CLK3: variants seen among roughly 807,000 people sequenced by gnomAD.
The protein encoded by CLK3 is dual specificity protein kinase CLK3.
A neutral mutation model predicts 65.2 loss-of-function variants in CLK3; 24 were observed. The observed-to-expected ratio is 0.37, with a 90% CI of 0.27 to 0.52. The LOEUF is 0.52. Ranked by LOEUF, CLK3 falls within the 20% of genes least tolerant of loss-of-function variation. The pLI is 0.92. For synonymous variants in CLK3, 252 were observed against 240.8 expected (o/e 1.05, Z -0.43); for missense variants, 506 against 660.0 (o/e 0.77, Z 2.56).
chr15:74,618,445 AACG>A (rs2062076660), intron 1 of CLK3, among the ~76,000 whole-genome samples: 1 of 152,170 alleles, frequency 6.6e-6, no homozygotes, highest in South Asian at 2.1e-4. Flanking sequence ...AAGGGACAGT[AACG>A]GTACTGTTGG....
upstream of CLK3, chr15:74,615,268 C>T (rs1327065390): frequency 4.3e-6 from 2 of 462,678 alleles, no homozygotes; most frequent in Non-Finnish European, 3.5e-6. Context: ...TCTAGGGTAT[C>T]TTCCCAGAAA....
chr15:74,618,610 C>A (rs978485353), intron 1 of CLK3, among the ~76,000 whole-genome samples: 3 of 152,194 alleles, frequency 2.0e-5, no homozygotes, highest in African/African-American at 7.2e-5. Context: ...GTGCCTCTTT[C>A]TCCAAGGGCT....
intron 1 of CLK3, 122 bp from the exon 2 acceptor site, chr15:74,619,075 G>A: frequency 8.5e-7 from 1 of 1,182,090 alleles, no homozygotes; most frequent in Non-Finnish European, 1.2e-6. Context: ...AAACCTCTGG[G>A]AGGGGCCGCC....
chr15:74,610,647 G>A (rs2061977763), intron 1 of CLK3, among the ~76,000 whole-genome samples: 1 of 152,258 alleles, frequency 6.6e-6, no homozygotes, highest in Non-Finnish European at 1.5e-5. Flanking sequence ...ACAGGCTCCA[G>A]CTGTGCATCT....
rs1162497627 is a variant in CLK3 at position 74,624,117 on chromosome 15, C to T, written c.534-785C>T. ...GCCTCAGAGGACACGCCCTTCCAGG[C>T]TAGGACTGTCTCGTTCCCCACTGGG... On this transcript the variant is annotated intron_variant, in intron 5 of 12. Coordinates refer to ENST00000395066, the MANE Select transcript of CLK3 (RefSeq NM_001130028.2). This position sits in a 1 kb window ranked among gnomAD's most constrained non-coding sequence, Gnocchi z 4.2. The T allele has an allele frequency of 6.6e-6, 1 of 152,256 alleles. No homozygotes were observed. Among genetic ancestry groups the T allele is most frequent in the Admixed American group, 6.5e-5 (1 of 15,280 alleles). The allele number at this position is 152,256 out of a possible 1,614,324, so 9.4% of individuals were successfully genotyped here. A position where few individuals can be genotyped will look rare whatever the true frequency, so the allele number is the denominator to read the frequency against.
intron 1 of CLK3, among the ~76,000 whole-genome samples, chr15:74,617,768 C>T (rs2062072125): frequency 6.6e-6 from 1 of 152,260 alleles, no homozygotes; most frequent in East Asian, 1.9e-4. Flanking sequence ...AATAGAGCAT[C>T]TTCTGGGTCA....
chr15:74,611,403 G>T (rs955725911), upstream of CLK3, among the ~76,000 whole-genome samples: 18 of 152,214 alleles, frequency 1.2e-4, no homozygotes, highest in Non-Finnish European at 2.9e-5. Flanking sequence ...GGGAGGACAG[G>T]GCCTCACTTT....
chr15:74,615,898 GGTAA>G lies in CLK3; in HGVS notation c.-1+3_-1+6del. 8.0e-7 allele frequency: 1 copy of G among 1,251,872 alleles called. No homozygotes were observed. The highest frequency in any genetic ancestry group is 1.0e-6 in the Non-Finnish European group (1 of 998,562). 77.5% of individuals were successfully genotyped at this position (1,251,872 alleles called of 1,614,324 possible). On this transcript the variant is annotated splice_donor_variant and splice_donor_region_variant and intron_variant, in intron 1 of 12. Coordinates refer to ENST00000395066, the MANE Select transcript of CLK3 (RefSeq NM_001130028.2). LOFTEE classifies it low-confidence loss of function (5UTR_SPLICE). Reference sequence around the variant, plus strand: ...TAGCTGCAGCCGGAGCCTGGGAGACGGTAAGTGTGGGCTGGGGTCCGCGGCGGCG... The same window carrying G: ...TAGCTGCAGCCGGAGCCTGGGAGACGGTGTGGGCTGGGGTCCGCGGCGGCG...
At chr15:74,625,291 A>T (rs1296746420) in intron 6 of CLK3, among the ~76,000 whole-genome samples, 1 of 152,130 alleles carries the variant, frequency 6.6e-6, no homozygotes, top group East Asian at 1.9e-4. Flanking sequence ...AAAAACATGA[A>T]GTTGGGGCTC....
chr15:74,612,630 C>T (rs1346790266), upstream of CLK3, among the ~76,000 whole-genome samples: 1 of 152,178 alleles, frequency 6.6e-6, no homozygotes, highest in Non-Finnish European at 1.5e-5. Context: ...CTTCTCCACT[C>T]AGGATGGCAC....
chr15:74,618,575 G>T (rs1034335831), intron 1 of CLK3, among the ~76,000 whole-genome samples: 1 of 152,188 alleles, frequency 6.6e-6, no homozygotes, highest in East Asian at 1.9e-4. Flanking sequence ...CCTCAGGAGG[G>T]CTATGGAATG....
chr15:74,615,783 C>G, upstream of CLK3: 1 of 1,243,056 alleles, frequency 8.0e-7, no homozygotes, highest in Non-Finnish European at 1.0e-6. Flanking sequence ...CCGAGGCTGG[C>G]GACGGCTGCG....
At position 74,620,136 on chromosome 15, in the gene CLK3, C is replaced by T; in HGVS notation, c.280C>T (p.Arg94Ter). 2 of 1,614,156 alleles carry T rather than the reference C, an allele frequency of 1.2e-6. No individual in the cohort carries two copies. The highest frequency in any genetic ancestry group is 1.1e-5 in the South Asian group (1 of 91,082). ...YGPSRSRHRR[R>*]SRERGPYRTR... is the part of the protein sequence containing the mutation. ...ACCTTCACGTTCTCGTCATCGTCGG[C>T]GATCGCGGGAGAGGGGGCCATACCG... The change falls in exon 3 of 13, where the codon CGA becomes TGA. Residue 94 changes from arginine (R) to a stop codon, truncating the protein, a stop_gained. Coordinates refer to ENST00000395066, the MANE Select transcript of CLK3 (RefSeq NM_001130028.2). LOFTEE classifies it high-confidence loss of function.
rs1201293404 is a variant in CLK3 at position 74,627,348 on chromosome 15, T to A, written c.818-4T>A. The stretch of plus-strand genomic sequence containing the variant: ...TACTTCCCCTTCTTTCCCTGCTACC[T>A]TAGTTCTGCATGAGAATCAGCTGAC... On this transcript the variant is annotated splice_polypyrimidine_tract_variant and splice_region_variant and intron_variant, in intron 7 of 12. Transcript: ENST00000395066. This position sits in a 1 kb window ranked among gnomAD's most constrained non-coding sequence, Gnocchi z 4.3. 7.4e-6 allele frequency: 12 copies of A among 1,612,132 alleles called. No individual in the cohort carries two copies. The highest frequency in any genetic ancestry group is 7.6e-6 in the Non-Finnish European group (9 of 1,178,164).
At position 74,615,864 on chromosome 15, in the gene CLK3, A is replaced by T; in HGVS notation, c.-35A>T. The T allele has an allele frequency of 4.0e-6, 5 of 1,255,228 alleles. No individual in the cohort carries two copies. Among genetic ancestry groups the T allele is most frequent in the Non-Finnish European group, 5.0e-6 (5 of 999,966 alleles). The allele number at this position is 1,255,228 out of a possible 1,614,324, so 77.8% of individuals were successfully genotyped here. On this transcript the variant is annotated 5_prime_UTR_variant, in exon 1 of 13. Coordinates refer to ENST00000395066, the MANE Select transcript of CLK3 (RefSeq NM_001130028.2). ...AGCGGAAGAGGCGCTCGGAGCGGGG[A>T]GTGGGGCCTAGCTGCAGCCGGAGCC...
intron 1 of CLK3, among the ~76,000 whole-genome samples, chr15:74,610,458 G>A (rs1047391146): frequency 2.6e-5 from 4 of 152,248 alleles, no homozygotes; most frequent in African/African-American, 9.6e-5. Context: ...CCTCAGATAG[G>A]TAGGGCTAGC....
At chr15:74,610,249 G>A (rs2061970998) in intron 1 of CLK3, among the ~76,000 whole-genome samples, 1 of 152,242 alleles carries the variant, frequency 6.6e-6, no homozygotes, top group African/African-American at 2.4e-5. Context: ...TAGAAGGGAT[G>A]GTCTGCCTGT....
intron 1 of CLK3, 114 bp downstream of exon 1, chr15:74,616,012 T>C (rs971829096): frequency 4.8e-5 from 41 of 847,970 alleles, no homozygotes; most frequent in Non-Finnish European, 6.1e-5. Flanking sequence ...TTCTTTCTCC[T>C]CTTCGGCCCA....
Position 74,629,860 on chromosome 15 carries a change from A to G in CLK3, c.1450A>G (p.Thr484Ala). 2 of 1,597,450 alleles carry G rather than the reference A, an allele frequency of 1.3e-6. No homozygotes were observed. The highest frequency in any genetic ancestry group is 1.7e-6 in the Non-Finnish European group (2 of 1,173,716). Residue 484 changes from threonine (T) to alanine (A), a missense_variant, in exon 13 of 13, where the codon ACC becomes GCC. Physicochemically the swap from Thr to Ala is moderately conservative, Grantham distance 58. Coordinates refer to ENST00000395066, the MANE Select transcript of CLK3 (RefSeq NM_001130028.2). ...GACCCCTGAGGAGCGGTCCTTCCACACCAGCCGCAACCCAAGCAGATGACA... is the reference window on the plus strand; with the variant it reads ...GACCCCTGAGGAGCGGTCCTTCCACGCCAGCCGCAACCCAAGCAGATGACA... ...GLTPEERSFH[T>A]SRNPSR
Sources: gnomAD v4.1 joint callset for allele counts (sites outside exome capture counted in the v4.1 genomes callset) on GRCh38, gnomAD v4.1.1 for gene constraint, Gnocchi (gnomAD v3.1) non-coding constraint, MANE v1.5 for transcripts, NCBI Gene and HGNC (gene_info 2026-07-23, HGNC 2026-07-21) for gene names.